Variants in BCL11B observed in about 807,000 individuals in gnomAD.
BCL11B encodes BCL11 transcription factor B.
Under a neutral mutation model 49.9 loss-of-function variants are expected in BCL11B, and 8 were observed. The observed-to-expected ratio is 0.16, with a 90% confidence interval of 0.09 to 0.29. BCL11B has a LOEUF of 0.29. Among genes scored for constraint, BCL11B ranks in the 10% least tolerant of loss-of-function variants. BCL11B has a pLI of 1.00. For synonymous variants in BCL11B, 739 were observed against 637.4 expected (o/e 1.16, Z -2.40); for missense variants, 1,006 against 1,351.0 (o/e 0.74, Z 4.00).
At chr14:99,211,341 A>G (rs887219444) in intron 3 of BCL11B, among the ~76,000 whole-genome samples, 12 of 152,200 alleles carry the variant, frequency 7.9e-5, no homozygotes, top group South Asian at 2.1e-4. Flanking sequence ...GCAGCTGGAC[A>G]GCCTCTGGGC....
At chr14:99,252,390 G>C (rs1438543804) in intron 2 of BCL11B, among the ~76,000 whole-genome samples, 1 of 152,192 alleles carries the variant, frequency 6.6e-6, no homozygotes, top group African/African-American at 2.4e-5. Context: ...CACTAGCCAA[G>C]CTAATATTTT....
At chr14:99,211,226 G>A (rs913009837) in intron 3 of BCL11B, among the ~76,000 whole-genome samples, 17 of 152,176 alleles carry the variant, frequency 1.1e-4, no homozygotes, top group African/African-American at 9.7e-5. Context: ...CTGGCACCCC[G>A]TAGGACTCTC....
intron 2 of BCL11B, among the ~76,000 whole-genome samples, chr14:99,240,854 C>T (rs554267460): frequency 7.9e-5 from 12 of 152,316 alleles, no homozygotes; most frequent in African/African-American, 2.2e-4. Flanking sequence ...ACGCGCGAGA[C>T]GCCGCTGTAA....
chr14:99,270,731 C>T (rs866794158), intron 1 of BCL11B, among the ~76,000 whole-genome samples: 15 of 151,162 alleles, frequency 9.9e-5, no homozygotes, highest in Admixed American at 6.6e-5. Context: ...CGCTCGCCAA[C>T]TTTTCCCCAC....
Position 99,184,651 on chromosome 14 carries a change from C to T in BCL11B, c.641-8456G>A, listed in dbSNP as rs1886801240. Among the ~76,000 whole-genome samples, 1 of 152,120 alleles carries T rather than the reference C, an allele frequency of 6.6e-6. No homozygotes were observed. Among genetic ancestry groups the T allele is most frequent in the Admixed American group, 6.5e-5 (1 of 15,284 alleles). ...TGCCCCTCACACAGGGATGGCAGAC[C>T]CTGTGGTGACCATCCCTGGGAAGGA... On this transcript the variant is annotated intron_variant, in intron 3 of 3. Transcript: ENST00000357195. The surrounding 1 kb of genome is among the most constrained non-coding windows in gnomAD (Gnocchi z 6.1).
At chr14:99,254,412 TC>T (rs898658399) in intron 2 of BCL11B, among the ~76,000 whole-genome samples, 6 of 152,192 alleles carry the variant, frequency 3.9e-5, no homozygotes, top group African/African-American at 1.2e-4. Context: ...GGAACCCCCT[TC>T]GGGTCTGCCT....
In BCL11B at chr14:99,175,408, C is replaced by T. The variant is rs777712874; in HGVS notation, c.1428G>A (p.Thr476=). The part of the protein sequence containing the change: ...QASKLKRHMK[T]HMHKAGSLAG... The stretch of plus-strand genomic sequence containing the variant: ...CCAGCGAGCCGGCCTTGTGCATGTG[C>T]GTCTTCATGTGGCGCTTGAGCTTGC... The change falls in exon 4 of 4, where the codon ACG becomes ACA. Residue 476 remains threonine (T), a synonymous_variant. Transcript: ENST00000357195. The T allele has an allele frequency of 2.7e-5, 43 of 1,607,538 alleles. No individual in the cohort carries two copies. In the East Asian group the frequency reaches 3.8e-4, roughly 14 times the overall value.
rs1404654580 is a variant in BCL11B at position 99,174,589 on chromosome 14, G to A, written c.2247C>T (p.Ser749=). Residue 749 remains serine (S), a synonymous_variant, in exon 4 of 4, where the codon AGC becomes AGT. Transcript: ENST00000357195. ...TSSEHSSENG[S]LRFSTPPGDL... ...CCCCGGGCGGCGTGGAGAAGCGCAG[G>A]CTGCCGTTCTCGGACGAGTGCTCGG... 2.0e-6 allele frequency: 3 copies of A among 1,527,296 alleles called. No homozygotes were observed. Among genetic ancestry groups the A allele is most frequent in the African/African-American group, 2.8e-5 (2 of 70,408 alleles). 94.6% of individuals were successfully genotyped at this position (1,527,296 alleles called of 1,614,324 possible).
At chr14:99,229,569 G>A (rs1250539972) in intron 3 of BCL11B, among the ~76,000 whole-genome samples, 1 of 152,206 alleles carries the variant, frequency 6.6e-6, no homozygotes, top group African/African-American at 2.4e-5. Flanking sequence ...CTCCTGGTCA[G>A]CACCATACAA....
intron 1 of BCL11B, among the ~76,000 whole-genome samples, chr14:99,261,581 C>G (rs1353990026): frequency 6.6e-6 from 1 of 152,186 alleles, no homozygotes. Flanking sequence ...AGGCCAGCCC[C>G]TCATGCAGCC....
In BCL11B at chr14:99,224,533, G is replaced by A. The variant is rs139535688; in HGVS notation, c.640+6812C>T. Among the ~76,000 whole-genome samples, 49 of 152,256 alleles carry A rather than the reference G, an allele frequency of 3.2e-4. No individual in the cohort carries two copies. In the East Asian group the frequency reaches 7.2e-3, roughly 22 times the overall value. On this transcript the variant is annotated intron_variant, in intron 3 of 3. Transcript: ENST00000357195. Reference sequence around the variant, plus strand: ...CAAGTGGCTTTCCAAGAGCTAAGTCGTCACTGGGGTGCCGATTACCCAAGG... The same window carrying A: ...CAAGTGGCTTTCCAAGAGCTAAGTCATCACTGGGGTGCCGATTACCCAAGG...
intron 3 of BCL11B, among the ~76,000 whole-genome samples, chr14:99,178,264 G>GA (rs1407452282): frequency 6.6e-6 from 1 of 152,204 alleles, no homozygotes; most frequent in African/African-American, 2.4e-5. Flanking sequence ...AATGAAAAAG[G>GA]AATTCTGAAG....
rs1010880675 is a variant in BCL11B at position 99,262,092 on chromosome 14, G to A, written c.59-4253C>T. On this transcript the variant is annotated intron_variant, in intron 1 of 3. Coordinates refer to ENST00000357195, the MANE Select transcript of BCL11B (RefSeq NM_138576.4). The surrounding 1 kb of genome is among the most constrained non-coding windows in gnomAD (Gnocchi z 4.2). The stretch of plus-strand genomic sequence containing the variant: ...TGCTGGGAAGGAATTTGAGTCAGAA[G>A]AAAGAAATGGAAAGACATCGTTAAC... 3.3e-5 allele frequency among the ~76,000 whole-genome samples: 5 copies of A among 152,232 alleles called. No individual in the cohort carries two copies. Among genetic ancestry groups the A allele is most frequent in the Non-Finnish European group, 7.3e-5 (5 of 68,044 alleles).
At position 99,258,156 on chromosome 14, in the gene BCL11B, C is replaced by T. The variant is rs531645973; in HGVS notation, c.59-317G>A. ...TAGTATAAGAACACACACGGACACA[C>T]GTGCATACACACACACCCTGGCTGC... On this transcript the variant is annotated intron_variant, in intron 1 of 3. Coordinates refer to ENST00000357195, the MANE Select transcript of BCL11B (RefSeq NM_138576.4). Among the ~76,000 whole-genome samples the T allele has an allele frequency of 7.2e-5, 11 of 152,362 alleles. No homozygotes were observed. In the South Asian group the frequency reaches 2.3e-3, roughly 32 times the overall value.
chr14:99,223,943 C>T (rs1237521669), intron 3 of BCL11B, among the ~76,000 whole-genome samples: 2 of 152,146 alleles, frequency 1.3e-5, no homozygotes, highest in African/African-American at 2.4e-5. Context: ...CAGAGAAAGG[C>T]GCCATGGGGA....
At chr14:99,200,473 T>C (rs1887345824) in intron 3 of BCL11B, among the ~76,000 whole-genome samples, 1 of 152,240 alleles carries the variant, frequency 6.6e-6, no homozygotes, top group Non-Finnish European at 1.5e-5. Flanking sequence ...GGGCAAGGCA[T>C]CTGCTGACAT....
chr14:99,179,203 G>A (rs946082559), intron 3 of BCL11B, among the ~76,000 whole-genome samples: 2 of 152,186 alleles, frequency 1.3e-5, no homozygotes, highest in African/African-American at 4.8e-5. Flanking sequence ...GCTGGGCACG[G>A]TGGCTCACGC....
Position 99,257,824 on chromosome 14 carries a change from A to G in BCL11B, c.74T>C (p.Val25Ala), listed in dbSNP as rs897884211. 6.5e-7 allele frequency: 1 copy of G among 1,541,524 alleles called. No homozygotes were observed. Among genetic ancestry groups the G allele is most frequent in the Non-Finnish European group, 8.8e-7 (1 of 1,140,960 alleles). The change falls in exon 2 of 4, where the codon GTG becomes GCG. Residue 25 changes from valine (V) to alanine (A), a missense_variant. Coordinates refer to ENST00000357195, the MANE Select transcript of BCL11B (RefSeq NM_138576.4). This position sits in a 1 kb window ranked among gnomAD's most constrained non-coding sequence, Gnocchi z 6.2. ...RELITPEADH[V>A]EAAILEEDEG... ...GTCTTCTTCGAGGATGGCGGCCTCC[A>G]CATGGTCAGCCTCTGCTGGAGACAG...
Position 99,217,385 on chromosome 14 carries a change from G to GACACACACACACATACAGACACACACAC in BCL11B, c.640+13959_640+13960insGTGTGTGTGTCTGTATGTGTGTGTGTGT, listed in dbSNP as rs555834922. Among the ~76,000 whole-genome samples the GACACACACACACATACAGACACACACAC allele has an allele frequency of 3.1e-3, 412 of 131,102 alleles. 11 individuals are homozygous for GACACACACACACATACAGACACACACAC. The East Asian group carries it at 0.072, about 23-fold the overall frequency. 86.0% of individuals were successfully genotyped at this position (131,102 alleles called of 152,430 possible). A position where few individuals can be genotyped will look rare whatever the true frequency, so the allele number is the denominator to read the frequency against. On this transcript the variant is annotated intron_variant, in intron 3 of 3. Transcript: ENST00000357195. The stretch of plus-strand genomic sequence containing the variant: ...GAGTACAAATATACACACACATACA[G>GACACACACACACATACAGACACACACAC]ACACACACACACACACACACACACA...
Sources: gnomAD v4.1 joint callset for allele counts (sites outside exome capture counted in the v4.1 genomes callset) on GRCh38, gnomAD v4.1.1 for gene constraint, Gnocchi (gnomAD v3.1) non-coding constraint, MANE v1.5 for transcripts, NCBI Gene and HGNC (gene_info 2026-07-23, HGNC 2026-07-21) for gene names.